The following MGRN1 variants were observed in gnomAD, a reference collection of about 807,000 sequenced individuals.
MGRN1 encodes mahogunin ring finger 1.
A neutral mutation model predicts 69.2 loss-of-function variants in MGRN1; 29 were observed. The ratio of observed to expected loss-of-function variants is 0.42; its 90% CI spans 0.31 to 0.57. The LOEUF is 0.57. MGRN1 is among the 20% of genes least tolerant of loss of function. MGRN1 has a pLI of 0.15. For synonymous variants in MGRN1, 470 were observed against 344.2 expected (o/e 1.37, Z -4.04); for missense variants, 998 against 796.2 (o/e 1.25, Z -3.05).
rs142077524 is a variant in MGRN1 at position 4,656,019 on chromosome 16, C to G, written c.444-1227C>G. Among the ~76,000 whole-genome samples, 317 of 152,298 alleles carry G rather than the reference C, an allele frequency of 2.1e-3. 3 individuals are homozygous for G. Among genetic ancestry groups the G allele is most frequent in the African/African-American group, 7.2e-3 (300 of 41,554 alleles). ...CAGGCCTCTTCTGCCTTTGTGTGTA[C>G]AGTGGTGGCCCCCCCACGCCCCATC... On this transcript the variant is annotated intron_variant, in intron 4 of 16. Coordinates refer to ENST00000262370, the MANE Select transcript of MGRN1 (RefSeq NM_015246.4).
At chr16:4,669,431 C>CAAATAAAAAAAA (rs2078890125) in intron 8 of MGRN1, among the ~76,000 whole-genome samples, 1 of 93,022 alleles carries the variant, frequency 1.1e-5, no homozygotes, top group Non-Finnish European at 2.1e-5. Context: ...AAGACTGTGT[C>CAAATAAAAAAAA]AAAAAAAAAA....
chr16:4,682,998 C>T, intron 14 of MGRN1, 52 bp downstream of exon 14: 2 of 1,497,032 alleles, frequency 1.3e-6, no homozygotes, highest in African/African-American at 1.4e-5. Context: ...AGCCCTCCTC[C>T]AGCTTCTGTC....
chr16:4,678,983 GTTTGTCTTT>G (rs760972220), intron 11 of MGRN1, among the ~76,000 whole-genome samples: 1 of 152,222 alleles, frequency 6.6e-6, no homozygotes, highest in Non-Finnish European at 1.5e-5. Flanking sequence ...CAGATTTTGG[GTTTGTCTTT>G]TAAAATCTGA....
chr16:4,664,094 C>T lies in MGRN1; in HGVS notation c.562-615C>T, dbSNP rs562480401. ...ACTTGCGCACCGGTGTCCAGTGCAG[C>T]GCTGCTCACCGTAGCCAGGACACAG... On this transcript the variant is annotated intron_variant, in intron 5 of 16. Transcript: ENST00000262370. The T allele has an allele frequency of 2.6e-5, 4 of 156,486 alleles. No homozygotes were observed. The South Asian group carries it at 5.5e-4, about 22-fold the overall frequency. The allele number at this position is 156,486 out of a possible 1,614,324, so 9.7% of individuals were successfully genotyped here. A position where few individuals can be genotyped will look rare whatever the true frequency, so the allele number is the denominator to read the frequency against.
intron 8 of MGRN1, among the ~76,000 whole-genome samples, chr16:4,669,816 G>T (rs2078899032): frequency 6.6e-6 from 1 of 152,102 alleles, no homozygotes; most frequent in Admixed American, 6.6e-5. Context: ...GTTCTCTGGG[G>T]TCAGCGATCC....
chr16:4,676,612 T>A (rs80101673), intron 10 of MGRN1, among the ~76,000 whole-genome samples: 2,398 of 152,320 alleles, frequency 0.016, 33 homozygotes, highest in Non-Finnish European at 0.025. Context: ...CCTGAGGCCC[T>A]GTCCCTGGGC....
chr16:4,686,636 C>G lies in MGRN1; in HGVS notation c.1619-2160C>G, dbSNP rs2079326223. 5 of 1,151,284 alleles carry G rather than the reference C, an allele frequency of 4.3e-6. No individual in the cohort carries two copies. The South Asian group carries it at 1.5e-4, about 34-fold the overall frequency. 71.3% of individuals were successfully genotyped at this position (1,151,284 alleles called of 1,614,324 possible). A position where few individuals can be genotyped will look rare whatever the true frequency, so the allele number is the denominator to read the frequency against. On this transcript the variant is annotated intron_variant, in intron 16 of 16. Transcript: ENST00000262370. ...AGACACAGCCCAGGTGCGCCAGAGC[C>G]ACTGTCCACTGCGGGAGGCAGGAGC...
chr16:4,624,881 G>C lies in MGRN1; in HGVS notation c.-80G>C. ...CGAGCGTCCGTGCGGCCTGGTCCGG[G>C]CCATGTCCGCGTGAGGACCCCGCCG... On this transcript the variant is annotated 5_prime_UTR_variant, in exon 1 of 17. Coordinates refer to ENST00000262370, the MANE Select transcript of MGRN1 (RefSeq NM_015246.4). The C allele has an allele frequency of 5.5e-6, 7 of 1,284,146 alleles. No homozygotes were observed. Among genetic ancestry groups the C allele is most frequent in the Non-Finnish European group, 7.4e-6 (7 of 946,994 alleles). The allele number at this position is 1,284,146 out of a possible 1,614,324, so 79.5% of individuals were successfully genotyped here.
At chr16:4,650,592 G>A (rs2078383599) in intron 2 of MGRN1, 109 bp downstream of exon 2, 4 of 843,878 alleles carry the variant, frequency 4.7e-6, no homozygotes, top group Non-Finnish European at 3.7e-6. Flanking sequence ...CACCCCTAAA[G>A]GGGGCAGAGC....
chr16:4,655,208 A>C (rs960544384), intron 4 of MGRN1, among the ~76,000 whole-genome samples: 1 of 152,154 alleles, frequency 6.6e-6, no homozygotes, highest in African/African-American at 2.4e-5. Flanking sequence ...GGCTGAGGAC[A>C]CAGGCCAGTG....
chr16:4,686,307 C>T (rs773751521), intron 16 of MGRN1: 31 of 1,544,756 alleles, frequency 2.0e-5, no homozygotes, highest in East Asian at 7.3e-5. Flanking sequence ...TAAGCCGGTA[C>T]GTGACCTCCC....
At chr16:4,679,773 C>A (rs946689480) in intron 11 of MGRN1, among the ~76,000 whole-genome samples, 2 of 152,194 alleles carry the variant, frequency 1.3e-5, no homozygotes, top group African/African-American at 4.8e-5. Flanking sequence ...TGCGGGGGGA[C>A]AGGCAATGGG....
At chr16:4,646,688 G>C (rs527310208) in intron 1 of MGRN1, among the ~76,000 whole-genome samples, 19 of 152,224 alleles carry the variant, frequency 1.2e-4, no homozygotes, top group Non-Finnish European at 2.2e-4. Flanking sequence ...GGTCAGCCCT[G>C]TTCAGTGTGG....
chr16:4,664,079 C>A (rs761500393), intron 5 of MGRN1: 1 of 153,214 alleles, frequency 6.5e-6, no homozygotes, highest in Non-Finnish European at 1.5e-5. Flanking sequence ...ACTTGCGCAC[C>A]GGTGTCCAGT....
In MGRN1 at chr16:4,657,317, C is replaced by T. The variant is rs761712307; in HGVS notation, c.515C>T (p.Ser172Phe). The T allele has an allele frequency of 2.5e-6, 4 of 1,614,060 alleles. No individual in the cohort carries two copies. Among genetic ancestry groups the T allele is most frequent in the Non-Finnish European group, 3.4e-6 (4 of 1,180,000 alleles). ...HYKRGVSQQF[S>F]LPSFKIDFSE... Reference sequence around the variant, plus strand: ...AAGAGAGGGGTGAGCCAGCAGTTCTCCCTGCCCTCCTTCAAGATTGACTTC... The same window carrying T: ...AAGAGAGGGGTGAGCCAGCAGTTCTTCCTGCCCTCCTTCAAGATTGACTTC... The change falls in exon 5 of 17, where the codon TCC (serine) becomes TTC (phenylalanine). Residue 172 changes from serine to phenylalanine, a missense_variant. Ser to Phe is a radical substitution (Grantham distance 155, BLOSUM62 -2). Transcript: ENST00000262370.
rs141423690 is a variant in MGRN1, at chr16:4,655,183, C to A, written c.444-2063C>A. Among the ~76,000 whole-genome samples, 893 of 152,276 alleles carry A rather than the reference C, an allele frequency of 5.9e-3. 12 individuals carry two copies. Among genetic ancestry groups the A allele is most frequent in the African/African-American group, 0.02 (845 of 41,554 alleles). Reference sequence around the variant, plus strand: ...TTGTGGCGAGGTGTCCAGGGGCTGCCACAGAGAGGGTGTGGGCTGAGGACA... The same window carrying A: ...TTGTGGCGAGGTGTCCAGGGGCTGCAACAGAGAGGGTGTGGGCTGAGGACA... On this transcript the variant is annotated intron_variant, in intron 4 of 16. Transcript: ENST00000262370.
chr16:4,671,606 T>A, intron 9 of MGRN1, 147 bp downstream of exon 9: 1 of 701,480 alleles, frequency 1.4e-6, no homozygotes, highest in Non-Finnish European at 2.5e-6. Flanking sequence ...TAATTTTTTT[T>A]AAAGCTAACA....
chr16:4,636,599 T>A (rs1898305749), intron 1 of MGRN1, among the ~76,000 whole-genome samples: 1 of 152,110 alleles, frequency 6.6e-6, no homozygotes, highest in East Asian at 1.9e-4. Context: ...GTGAACGAAT[T>A]TGCATGTCTG....
At chr16:4,686,496 C>CT (rs2141989578) in intron 16 of MGRN1, 9 of 1,385,540 alleles carry the variant, frequency 6.5e-6, no homozygotes, top group South Asian at 3.5e-5. Flanking sequence ...AAGTGGCCTC[C>CT]TGGGGGGTCC....
Sources: gnomAD v4.1 joint callset for allele counts (sites outside exome capture counted in the v4.1 genomes callset) on GRCh38, gnomAD v4.1.1 for gene constraint, MANE v1.5 for transcripts, NCBI Gene and HGNC (gene_info 2026-07-23, HGNC 2026-07-21) for gene names.